The following ST3GAL5 variants were observed in gnomAD, a reference collection of about 807,000 sequenced individuals.
ST3GAL5 encodes the protein lactosylceramide alpha-2,3-sialyltransferase.
Under a neutral mutation model 46.1 loss-of-function variants are expected in ST3GAL5, and 25 were observed. The observed-to-expected ratio is 0.54, with a 90% CI of 0.40 to 0.76. The LOEUF is 0.76. Ranked by LOEUF, ST3GAL5 falls within the 30% of genes least tolerant of loss-of-function variation. ST3GAL5 has a pLI of 0.00. For synonymous variants in ST3GAL5, 182 were observed against 192.7 expected (o/e 0.94, Z 0.46); for missense variants, 431 against 521.2 (o/e 0.83, Z 1.69).
chr2:85,863,408 G>C lies in ST3GAL5; in HGVS notation c.160C>G (p.Gln54Glu). The stretch of plus-strand genomic sequence containing the variant: ...AAGCTGGGCCTTCTCATCTTGCTTT[G>C]AGCTCGGGTGTACCATTGCAGGGAA... ...RPSLQWYTRA[Q>E]SKMRRPSLLL... Residue 54 changes from glutamine to glutamate, a missense_variant, in exon 2 of 7, where the codon CAA becomes GAA. Transcript: ENST00000638572. 1 of 1,614,152 alleles carries C rather than the reference G, an allele frequency of 6.2e-7. No individual in the cohort carries two copies. Among genetic ancestry groups the C allele is most frequent in the Non-Finnish European group, 8.5e-7 (1 of 1,180,020 alleles).
intron 1 of ST3GAL5, among the ~76,000 whole-genome samples, chr2:85,874,412 C>A (rs1171206080): frequency 6.6e-6 from 1 of 152,132 alleles, no homozygotes; most frequent in Non-Finnish European, 1.5e-5. Context: ...TCCGCTTCCA[C>A]CTATCTCACA....
rs1481834072 is a variant in ST3GAL5 at position 85,846,554 on chromosome 2, ACT to A, written c.670_671del (p.Ser224CysfsTer4). 1.2e-6 allele frequency: 2 copies of A among 1,614,164 alleles called. No homozygotes were observed. Among genetic ancestry groups the A allele is most frequent in the Non-Finnish European group, 1.7e-6 (2 of 1,180,036 alleles). The stretch of plus-strand genomic sequence containing the variant: ...GTTCTGAATATCCCTCAACTGGTGC[ACT>A]GTTTAACCTATTTAAATAAAAAGGA... ...NQFDVVIRLN[S>X]APVEGYSEHV... On this transcript the variant is annotated frameshift_variant, in exon 5 of 7. Coordinates refer to ENST00000638572, the MANE Select transcript of ST3GAL5 (RefSeq NM_003896.4). LOFTEE classifies it high-confidence loss of function.
intron 3 of ST3GAL5, 45 bp downstream of exon 3, chr2:85,861,136 G>A (rs943219349): frequency 3.2e-6 from 4 of 1,246,602 alleles, no homozygotes; most frequent in Non-Finnish European, 4.7e-6. Flanking sequence ...TTGAGCATAT[G>A]CTTGGCAATG....
intron 1 of ST3GAL5, among the ~76,000 whole-genome samples, chr2:85,885,729 G>A (rs900383247): frequency 4.6e-5 from 7 of 151,988 alleles, no homozygotes; most frequent in African/African-American, 9.7e-5. Flanking sequence ...TCGGGAAGCT[G>A]AGGCAGAATG....
chr2:85,883,691 A>G (rs1687447161), intron 1 of ST3GAL5, among the ~76,000 whole-genome samples: 1 of 152,238 alleles, frequency 6.6e-6, no homozygotes, highest in Non-Finnish European at 1.5e-5. Context: ...CCAGGAGGGC[A>G]CAGCACCCTG....
Position 85,839,992 on chromosome 2 carries a change from GA to G in ST3GAL5, c.*151del, listed in dbSNP as rs1278673203. On this transcript the variant is annotated 3_prime_UTR_variant, in exon 7 of 7. Transcript: ENST00000638572. ...CAAATAAATAGGAAAAAAAAAGTGG[GA>G]AGAGCTAAAATTTTTTTTGTGTTTT... The G allele has an allele frequency of 2.6e-6, 3 of 1,160,344 alleles. No individual in the cohort carries two copies. In the African/African-American group the frequency reaches 4.7e-5, roughly 18 times the overall value. The allele number at this position is 1,160,344 out of a possible 1,614,324, so 71.9% of individuals were successfully genotyped here.
chr2:85,852,745 A>AC (rs1683659728), intron 3 of ST3GAL5: 7 of 549,154 alleles, frequency 1.3e-5, no homozygotes, highest in Non-Finnish European at 2.0e-5. Flanking sequence ...ATCAACTGTT[A>AC]GAAAAAAAAA....
At chr2:85,851,479 G>T in intron 3 of ST3GAL5, 1 of 1,272,078 alleles carries the variant, frequency 7.9e-7, no homozygotes, top group Non-Finnish European at 1.0e-6. Flanking sequence ...CTCAGAACAG[G>T]AGGACCACAT....
rs796732751 is a variant in ST3GAL5 at position 85,846,625 on chromosome 2, C to T, written c.663-62G>A. On this transcript the variant is annotated intron_variant, in intron 4 of 6. Coordinates refer to ENST00000638572, the MANE Select transcript of ST3GAL5 (RefSeq NM_003896.4). ...GCAGGCCATCAACCATCTCTGTACA[C>T]CAGGCAGTATCCATGTCATGTCCTC... 2.0e-6 allele frequency: 3 copies of T among 1,519,398 alleles called. No homozygotes were observed. In the African/African-American group the frequency reaches 4.1e-5, roughly 21 times the overall value. 94.1% of individuals were successfully genotyped at this position (1,519,398 alleles called of 1,614,324 possible).
At chr2:85,841,347 G>A (rs886654109) in intron 6 of ST3GAL5, among the ~76,000 whole-genome samples, 10 of 141,494 alleles carry the variant, frequency 7.1e-5, no homozygotes, top group African/African-American at 2.7e-4. Flanking sequence ...TTTTTTTTTT[G>A]AGACAGCATC....
Position 85,838,388 on chromosome 2 carries a change from CCT to C in ST3GAL5, c.*1754_*1755del, listed in dbSNP as rs1681654067. On this transcript the variant is annotated 3_prime_UTR_variant, in exon 7 of 7. Coordinates refer to ENST00000638572, the MANE Select transcript of ST3GAL5 (RefSeq NM_003896.4). ...GAAGTTCCGGCTTCTCCAATAACCC[CCT>C]GAGGGATGTAGGGGTGGAGCTGTGT... The C allele has an allele frequency of 2.0e-5, 3 of 152,270 alleles. No homozygotes were observed. Among genetic ancestry groups the C allele is most frequent in the African/African-American group, 2.4e-5 (1 of 41,552 alleles). 9.4% of individuals were successfully genotyped at this position (152,270 alleles called of 1,614,324 possible). A position where few individuals can be genotyped will look rare whatever the true frequency, so the allele number is the denominator to read the frequency against.
intron 3 of ST3GAL5, among the ~76,000 whole-genome samples, chr2:85,852,096 G>A (rs1198604488): frequency 1.3e-5 from 2 of 152,194 alleles, no homozygotes; most frequent in Non-Finnish European, 2.9e-5. Context: ...GAAATCTTAA[G>A]GACAACCCTT....
At chr2:85,875,411 C>A (rs1686433152) in intron 1 of ST3GAL5, 1 of 144,884 alleles carries the variant, frequency 6.9e-6, no homozygotes, top group South Asian at 2.2e-4. Flanking sequence ...ATGAAATACT[C>A]AACTGTTTGG....
intron 3 of ST3GAL5, chr2:85,850,813 G>A (rs949481951): frequency 6.6e-6 from 1 of 152,170 alleles, no homozygotes; most frequent in African/African-American, 2.4e-5. Context: ...AGGCTGCCAG[G>A]TCTCCTCTTC....
intron 3 of ST3GAL5, 180 bp downstream of exon 3, chr2:85,861,001 T>G (rs1684665425): frequency 1.6e-6 from 1 of 611,442 alleles, no homozygotes. Context: ...GTGGAGTAGT[T>G]AGTGGTGGGT....
chr2:85,868,210 G>A (rs1317457890), intron 1 of ST3GAL5, among the ~76,000 whole-genome samples: 1 of 152,258 alleles, frequency 6.6e-6, no homozygotes. Flanking sequence ...TGAAAAGGTG[G>A]CAGTTGAAGG....
chr2:85,857,416 A>C (rs1573631029), intron 3 of ST3GAL5, among the ~76,000 whole-genome samples: 2 of 151,922 alleles, frequency 1.3e-5, no homozygotes, highest in East Asian at 1.9e-4. Flanking sequence ...ACATGCCTGT[A>C]ATCCCAGCTA....
chr2:85,847,858 T>C lies in ST3GAL5; in HGVS notation c.662+3A>G. 6.2e-7 allele frequency: 1 copy of C among 1,613,712 alleles called. No individual in the cohort carries two copies. The highest frequency in any genetic ancestry group is 1.1e-5 in the South Asian group (1 of 91,058). The stretch of plus-strand genomic sequence containing the variant: ...AACAAACAAACAAAAAAAACCAATG[T>C]ACCTTATCACAACATCGAACTGGTT... On this transcript the variant is annotated splice_donor_region_variant and intron_variant, in intron 4 of 6. Transcript: ENST00000638572.
chr2:85,860,970 A>G (rs960515315), intron 3 of ST3GAL5: 11 of 556,302 alleles, frequency 2.0e-5, no homozygotes, highest in Non-Finnish European at 2.9e-5. Flanking sequence ...CCCCAGCTGC[A>G]GTAAATGGGA....
Sources: allele counts gnomAD v4.1 joint callset (sites outside exome capture counted in the v4.1 genomes callset), GRCh38; gene constraint gnomAD v4.1.1; transcripts MANE v1.5; gene names NCBI Gene and HGNC (gene_info 2026-07-23, HGNC 2026-07-21).